The following BCAS4 variants were observed in gnomAD, a reference collection of about 807,000 sequenced individuals.
BCAS4 encodes the protein breast carcinoma amplified sequence 4, also known as breast carcinoma-amplified sequence 4.
BCAS4 carries 9 observed loss-of-function variants against 15.7 expected under a neutral mutation model. That is an observed-to-expected ratio of 0.57 (90% CI 0.34 to 1.00). BCAS4 has a LOEUF of 1.00. BCAS4 is among the 50% of genes least tolerant of loss of function. BCAS4 has a pLI of 0.02. For synonymous variants in BCAS4, 101 were observed against 99.5 expected (o/e 1.02, Z -0.09); for missense variants, 225 against 239.1 (o/e 0.94, Z 0.39).
At chr20:50,872,017 T>C (rs183202261) in intron 4 of BCAS4, among the ~76,000 whole-genome samples, 220 of 151,936 alleles carry the variant, frequency 1.4e-3, no homozygotes, top group African/African-American at 5.0e-3. Flanking sequence ...CCCAACACTT[T>C]GGGAGGCCGA....
downstream of BCAS4, chr20:50,882,131 C>G (rs533367371): frequency 1.3e-5 from 2 of 150,366 alleles, no homozygotes; most frequent in African/African-American, 4.9e-5. Flanking sequence ...TGCAGTAAGC[C>G]GTGATCATGC....
rs1347058918 is a variant in BCAS4, at chr20:50,818,193, A to G, written c.91-18A>G. The G allele has an allele frequency of 6.2e-7, 1 of 1,612,634 alleles. No individual in the cohort carries two copies. Among genetic ancestry groups the G allele is most frequent in the East Asian group, 2.2e-5 (1 of 44,840 alleles). ...TGGAAACCACTTGCTAATCTCCAGG[A>G]TATCGTCTCTTTTTCAGGCGAAGGA... On this transcript the variant is annotated intron_variant, in intron 1 of 4. Transcript: ENST00000371608.
At chr20:50,809,023 G>A (rs142016985) in intron 1 of BCAS4, among the ~76,000 whole-genome samples, 6,793 of 152,124 alleles carry the variant, frequency 0.045, 215 homozygotes, top group Non-Finnish European at 0.07. Context: ...GGTGAGAGAT[G>A]AGGATCCAGT....
intron 1 of BCAS4, among the ~76,000 whole-genome samples, chr20:50,815,986 A>G (rs960632082): frequency 2.6e-5 from 4 of 152,208 alleles, no homozygotes; most frequent in African/African-American, 9.7e-5. Context: ...TTTAGAAGTC[A>G]TAAAAGTAGT....
chr20:50,809,542 G>A (rs1046893936), intron 1 of BCAS4, among the ~76,000 whole-genome samples: 5 of 152,138 alleles, frequency 3.3e-5, no homozygotes, highest in Non-Finnish European at 5.9e-5. Flanking sequence ...GTAATGTGAT[G>A]CCTCCAGATT....
chr20:50,840,104 G>A (rs544874215), intron 3 of BCAS4, among the ~76,000 whole-genome samples: 2 of 152,188 alleles, frequency 1.3e-5, no homozygotes, highest in African/African-American at 4.8e-5. Flanking sequence ...TAAATTCCTG[G>A]CCTCAAGTGA....
chr20:50,812,334 C>T lies in BCAS4; in HGVS notation c.91-5877C>T, dbSNP rs190539983. Reference sequence around the variant, plus strand: ...TTTTTTAGTAGAGACGGGGTTTCACCGTGTTAGCCAGGATGGTCTCGATCT... The same window carrying T: ...TTTTTTAGTAGAGACGGGGTTTCACTGTGTTAGCCAGGATGGTCTCGATCT... On this transcript the variant is annotated intron_variant, in intron 1 of 4. Transcript: ENST00000371608. Among the ~76,000 whole-genome samples the T allele has an allele frequency of 1.3e-3, 199 of 151,818 alleles. 5 individuals are homozygous for T. The East Asian group carries it at 0.013, about 10-fold the overall frequency.
chr20:50,876,696 T>C lies in BCAS4; in HGVS notation c.*88T>C. ...GGTTTTTTCTTTGTATTGCTGTTTA[T>C]TTTATATTTTAAAAATATTTAAAAA... On this transcript the variant is annotated 3_prime_UTR_variant, in exon 5 of 5. Coordinates refer to ENST00000371608, the MANE Select transcript of BCAS4 (RefSeq NM_198799.4). The C allele has an allele frequency of 4.9e-6, 7 of 1,415,106 alleles. No homozygotes were observed. The South Asian group carries it at 7.9e-5, about 16-fold the overall frequency. 87.7% of individuals were successfully genotyped at this position (1,415,106 alleles called of 1,614,324 possible). A position where few individuals can be genotyped will look rare whatever the true frequency, so the allele number is the denominator to read the frequency against.
chr20:50,795,096 G>A lies in BCAS4; in HGVS notation c.13G>A (p.Asp5Asn), dbSNP rs1437457706. The change falls in exon 1 of 5, where the codon GAC (aspartate) becomes AAC (asparagine). Residue 5 changes from aspartate (D) to asparagine (N), a missense_variant. By Grantham distance (23) the Asp-to-Asn change is conservative. Coordinates refer to ENST00000371608, the MANE Select transcript of BCAS4 (RefSeq NM_198799.4). MLLV[D>N]ADQPEPMRSG... ...CGTCGCCCTCCTGATGCTGCTCGTG[G>A]ACGCTGATCAGCCGGAGCCCATGCG... The A allele has an allele frequency of 4.0e-6, 6 of 1,504,774 alleles. No homozygotes were observed. The highest frequency in any genetic ancestry group is 5.3e-6 in the Non-Finnish European group (6 of 1,128,078). The allele number at this position is 1,504,774 out of a possible 1,614,324, so 93.2% of individuals were successfully genotyped here.
At chr20:50,858,294 A>G (rs1231986675) in intron 4 of BCAS4, among the ~76,000 whole-genome samples, 1 of 152,196 alleles carries the variant, frequency 6.6e-6, no homozygotes, top group Non-Finnish European at 1.5e-5. Context: ...TAGATTACTT[A>G]TAATACCTAA....
chr20:50,818,873 G>A (rs1034422605), intron 2 of BCAS4, among the ~76,000 whole-genome samples: 3 of 152,156 alleles, frequency 2.0e-5, no homozygotes, highest in African/African-American at 4.8e-5. Flanking sequence ...AGCCTCCCAC[G>A]CCAGAGTCTC....
chr20:50,805,886 A>G (rs1045899783), intron 1 of BCAS4, among the ~76,000 whole-genome samples: 3 of 151,988 alleles, frequency 2.0e-5, no homozygotes, highest in African/African-American at 2.4e-5. Context: ...CTGAGGTAGG[A>G]AAATTGCTTG....
At chr20:50,824,386 T>A (rs972103680) in intron 2 of BCAS4, among the ~76,000 whole-genome samples, 3 of 152,192 alleles carry the variant, frequency 2.0e-5, no homozygotes, top group Non-Finnish European at 4.4e-5. Context: ...TGTGGTGACC[T>A]CAGAACCTGC....
intron 4 of BCAS4, among the ~76,000 whole-genome samples, chr20:50,849,651 A>T (rs372045755): frequency 1.9e-3 from 286 of 152,328 alleles, no homozygotes; most frequent in Admixed American, 3.6e-3. Context: ...TGCCTCGTGT[A>T]CAGGAGTGGA....
intron 4 of BCAS4, among the ~76,000 whole-genome samples, chr20:50,866,583 C>T (rs925056709): frequency 6.6e-5 from 10 of 152,216 alleles, no homozygotes; most frequent in Admixed American, 6.5e-4. Flanking sequence ...GTCTGCAAGC[C>T]GGATGCTGAC....
intron 4 of BCAS4, among the ~76,000 whole-genome samples, chr20:50,866,726 C>T (rs1034066693): frequency 7.9e-5 from 12 of 152,146 alleles, no homozygotes; most frequent in African/African-American, 1.2e-4. Context: ...CACACAGCTC[C>T]GGGGGTGCCT....
intron 4 of BCAS4, among the ~76,000 whole-genome samples, chr20:50,871,508 A>G (rs1463851977): frequency 6.6e-6 from 1 of 152,140 alleles, no homozygotes; most frequent in Non-Finnish European, 1.5e-5. Flanking sequence ...GGGGTTTATT[A>G]TCTATTTCAG....
intron 4 of BCAS4, among the ~76,000 whole-genome samples, chr20:50,872,146 C>A (rs1184607279): frequency 1.3e-5 from 2 of 151,520 alleles, no homozygotes; most frequent in South Asian, 2.1e-4. Context: ...CTTTAGTAAT[C>A]CCAGCTACTC....
chr20:50,814,635 C>T (rs76180251), intron 1 of BCAS4, among the ~76,000 whole-genome samples: 17,809 of 152,202 alleles, frequency 0.12, 1,107 homozygotes, highest in African/African-American at 0.16. Context: ...TGCTCAGGGT[C>T]GAATTCTGGC....
Sources: allele counts gnomAD v4.1 joint callset (sites outside exome capture counted in the v4.1 genomes callset), GRCh38; gene constraint gnomAD v4.1.1; transcripts MANE v1.5; gene names NCBI Gene and HGNC (gene_info 2026-07-23, HGNC 2026-07-21).